The following MMAB variants were observed in gnomAD, a reference collection of about 807,000 sequenced individuals.
MMAB encodes corrinoid adenosyltransferase MMAB.
A neutral mutation model predicts 30.6 loss-of-function variants in MMAB; 17 were observed. That is an observed-to-expected ratio of 0.56 (90% CI 0.38 to 0.83). MMAB has a LOEUF of 0.83. Among genes scored for constraint, MMAB ranks in the 40% least tolerant of loss-of-function variants. The probability of loss-of-function intolerance (pLI) is 0.00; values close to 1 mark genes in which losing one functional copy is unlikely to be tolerated. For synonymous variants in MMAB, 134 were observed against 138.6 expected, an observed-to-expected ratio of 0.97 and a Z score of 0.23; for missense variants, 311 against 331.6, an observed-to-expected ratio of 0.94 and a Z score of 0.48.
At chr12:109,565,298 A>T (rs1884379588) in intron 3 of MMAB, 122 bp from the exon 4 acceptor site, 1 of 783,524 alleles carries the variant, frequency 1.3e-6, no homozygotes, top group Admixed American at 1.8e-5. Context: ...TAGCCATGTT[A>T]TTTTTCTTGC....
chr12:109,573,309 G>T (rs762266634), intron 1 of MMAB, 38 bp downstream of exon 1: 51 of 1,611,534 alleles, frequency 3.2e-5, no homozygotes, highest in Non-Finnish European at 4.2e-5. Context: ...CACGATTCAC[G>T]GCAGGTGTTC....
rs773872061 is a variant in MMAB at position 109,573,481 on chromosome 12, G to C, written c.-1C>G. On this transcript the variant is annotated 5_prime_UTR_variant, in exon 1 of 9. Transcript: ENST00000545712. The stretch of plus-strand genomic sequence containing the variant: ...GGCTCCCCAGGCCGCACACAGCCAT[G>C]AGCCAGGCTGCTTGACGGGACCTGA... The C allele has an allele frequency of 5.6e-6, 9 of 1,601,130 alleles. No homozygotes were observed. The highest frequency in any genetic ancestry group is 3.4e-5 in the Admixed American group (2 of 59,244).
intron 7 of MMAB, among the ~76,000 whole-genome samples, chr12:109,559,998 G>T (rs1238462496): frequency 6.6e-6 from 1 of 152,262 alleles, no homozygotes; most frequent in Non-Finnish European, 1.5e-5. Flanking sequence ...ACTCTCTGCT[G>T]CATGGAGGAC....
At position 109,555,434 on chromosome 12, in the gene MMAB, C is replaced by T. The variant is rs1351157896; in HGVS notation, c.*1594G>A. 2.4e-6 allele frequency: 1 copy of T among 408,504 alleles called. No homozygotes were observed. Among genetic ancestry groups the T allele is most frequent in the African/African-American group, 2.2e-5 (1 of 46,028 alleles). 25.3% of individuals were successfully genotyped at this position (408,504 alleles called of 1,614,324 possible). On this transcript the variant is annotated 3_prime_UTR_variant, in exon 9 of 9. Transcript: ENST00000545712. ...AATAGCTGGGATTACAGGCACCCGC[C>T]ACCATGCCCAGCTAATTTTTTTTTT...
intron 3 of MMAB, chr12:109,567,947 T>C (rs1015098336): frequency 6.6e-6 from 1 of 152,202 alleles, no homozygotes; most frequent in Non-Finnish European, 1.5e-5. Flanking sequence ...CATTTTTTTT[T>C]CAACTTTTAT....
At chr12:109,566,608 C>T (rs1021696398) in intron 3 of MMAB, among the ~76,000 whole-genome samples, 1 of 152,262 alleles carries the variant, frequency 6.6e-6, no homozygotes, top group African/African-American at 2.4e-5. Context: ...CTCCCACCCT[C>T]GTAGCTGCCC....
Position 109,556,774 on chromosome 12 carries a change from A to G in MMAB, c.*254T>C, listed in dbSNP as rs1883992013. The G allele has an allele frequency of 1.6e-6, 1 of 612,408 alleles. No homozygotes were observed. The highest frequency in any genetic ancestry group is 3.0e-6 in the Non-Finnish European group (1 of 328,770). The allele number at this position is 612,408 out of a possible 1,614,324, so 37.9% of individuals were successfully genotyped here. Reference sequence around the variant, plus strand: ...CAATCACTTTACCTGTCTTTCCTGCAATGCCAATTCATTCCCACATCCCTC... The same window carrying G: ...CAATCACTTTACCTGTCTTTCCTGCGATGCCAATTCATTCCCACATCCCTC... On this transcript the variant is annotated 3_prime_UTR_variant, in exon 9 of 9. Transcript: ENST00000545712.
rs114996305 is a variant in MMAB at position 109,561,231 on chromosome 12, C to T, written c.520-127G>A. The T allele has an allele frequency of 1.9e-3, 3,018 of 1,594,754 alleles. 53 individuals are homozygous for T. In the African/African-American group the frequency reaches 0.033, roughly 17 times the overall value. ...TGTTCTGCCTCCAGGAGCCCTGCCA[C>T]GGCACACCCACCGGGCACGCTGCTC... On this transcript the variant is annotated intron_variant, in intron 6 of 8. Transcript: ENST00000545712. This position sits in a 1 kb window ranked among gnomAD's most constrained non-coding sequence, Gnocchi z 5.3.
chr12:109,570,559 T>A (rs772841637), intron 2 of MMAB, among the ~76,000 whole-genome samples: 7 of 152,212 alleles, frequency 4.6e-5, no homozygotes, highest in Non-Finnish European at 8.8e-5. Context: ...GTCTGCATGC[T>A]TTTGTACTAC....
chr12:109,570,198 A>G (rs529640826), intron 2 of MMAB: 3 of 209,506 alleles, frequency 1.4e-5, no homozygotes, highest in South Asian at 1.3e-4. Context: ...AGGAGGTTGC[A>G]GTGAGCTGAG....
At chr12:109,564,415 AC>A (rs1555275014) in intron 4 of MMAB, among the ~76,000 whole-genome samples, 2 of 127,324 alleles carry the variant, frequency 1.6e-5, no homozygotes, top group Non-Finnish European at 3.3e-5. Flanking sequence ...ACAGGATCCC[AC>A]TCTGTTGCCC....
At chr12:109,564,915 G>C (rs1462617528) in intron 4 of MMAB, 1 of 671,592 alleles carries the variant, frequency 1.5e-6, no homozygotes, top group African/African-American at 1.8e-5. Context: ...TGATCTTCCT[G>C]CCTCAGTCTC....
chr12:109,564,135 C>T (rs866742928), intron 4 of MMAB, among the ~76,000 whole-genome samples: 10 of 152,318 alleles, frequency 6.6e-5, no homozygotes, highest in Middle Eastern at 6.8e-3. Context: ...CATTCAAGGC[C>T]GGGTCATTCT....
At position 109,561,407 on chromosome 12, in the gene MMAB, G is replaced by T. The variant is rs375418598; in HGVS notation, c.519+13C>A. On this transcript the variant is annotated intron_variant, in intron 6 of 8. Coordinates refer to ENST00000545712, the MANE Select transcript of MMAB (RefSeq NM_052845.4). The surrounding 1 kb of genome is among the most constrained non-coding windows in gnomAD (Gnocchi z 5.3). ...CCTGCAGCCGCCCCCGGTTAAGCCT[G>T]CCCAGTACCTACAGGCAGGATGAAG... 1.9e-6 allele frequency: 3 copies of T among 1,549,958 alleles called. No homozygotes were observed. The African/African-American group carries it at 4.1e-5, about 21-fold the overall frequency.
rs940651669 is a variant in MMAB at position 109,557,127 on chromosome 12, G to C, written c.654C>G (p.Asp218Glu). 3 of 1,610,088 alleles carry C rather than the reference G, an allele frequency of 1.9e-6. No individual in the cohort carries two copies. Among genetic ancestry groups the C allele is most frequent in the Non-Finnish European group, 2.6e-6 (3 of 1,176,382 alleles). ...NVAKFLNRLSDYLFTLARYAA... is the reference protein window; with the variant it reads ...NVAKFLNRLSEYLFTLARYAA... The stretch of plus-strand genomic sequence containing the variant: ...CATATCTGGCTAGCGTGAAGAGATA[G>C]TCACTGAGTCTGGAGGGGCAGAGAG... Residue 218 changes from aspartate (D) to glutamate (E), a missense_variant, in exon 9 of 9, where the codon GAC (aspartate) becomes GAG (glutamate). Asp to Glu is a conservative substitution (Grantham distance 45, BLOSUM62 2). Transcript: ENST00000545712.
intron 8 of MMAB, among the ~76,000 whole-genome samples, chr12:109,557,545 C>T (rs906873433): frequency 1.3e-5 from 2 of 152,326 alleles, no homozygotes; most frequent in Admixed American, 6.5e-5. Flanking sequence ...CAGATTCTGA[C>T]TCAGGAGGGC....
At position 109,555,183 on chromosome 12, in the gene MMAB, T is replaced by G. The variant is rs1015996125; in HGVS notation, c.*1845A>C. 26 of 453,298 alleles carry G rather than the reference T, an allele frequency of 5.7e-5. No individual in the cohort carries two copies. The highest frequency in any genetic ancestry group is 1.4e-4 in the Admixed American group (6 of 42,504). 28.1% of individuals were successfully genotyped at this position (453,298 alleles called of 1,614,324 possible). A position where few individuals can be genotyped will look rare whatever the true frequency, so the allele number is the denominator to read the frequency against. Reference sequence around the variant, plus strand: ...TATATATATATATTCCAGGAAGATTTTGAGATTTTGAGGTGTAGACAGAAT... The same window carrying G: ...TATATATATATATTCCAGGAAGATTGTGAGATTTTGAGGTGTAGACAGAAT... On this transcript the variant is annotated 3_prime_UTR_variant, in exon 9 of 9. Transcript: ENST00000545712.
chr12:109,561,120 G>A lies in MMAB; in HGVS notation c.520-16C>T. Reference sequence around the variant, plus strand: ...TGCCTCCCGACTGAAAGGAGAAAGGGACATTGCCTGAGCAGGGTGGGAAAG... The same window carrying A: ...TGCCTCCCGACTGAAAGGAGAAAGGAACATTGCCTGAGCAGGGTGGGAAAG... On this transcript the variant is annotated splice_polypyrimidine_tract_variant and intron_variant, in intron 6 of 8. Coordinates refer to ENST00000545712, the MANE Select transcript of MMAB (RefSeq NM_052845.4). This position sits in a 1 kb window ranked among gnomAD's most constrained non-coding sequence, Gnocchi z 5.3. 6.2e-7 allele frequency: 1 copy of A among 1,608,418 alleles called. No homozygotes were observed. The highest frequency in any genetic ancestry group is 8.5e-7 in the Non-Finnish European group (1 of 1,179,954).
intron 4 of MMAB, 93 bp downstream of exon 4, chr12:109,565,026 G>A: frequency 1.0e-6 from 1 of 960,588 alleles, no homozygotes; most frequent in Admixed American, 1.7e-5. Flanking sequence ...CTAGCCCCAG[G>A]TGACACAAAG....
Sources: allele counts gnomAD v4.1 joint callset (sites outside exome capture counted in the v4.1 genomes callset), GRCh38; gene constraint gnomAD v4.1.1; non-coding constraint Gnocchi (gnomAD v3.1); transcripts MANE v1.5; gene names NCBI Gene and HGNC (gene_info 2026-07-23, HGNC 2026-07-21).